Variants in PMFBP1 observed in about 807,000 individuals in gnomAD.
The protein encoded by PMFBP1 is polyamine modulated factor 1 binding protein 1, also known as polyamine-modulated factor 1-binding protein 1.
PMFBP1 carries 131 observed loss-of-function variants against 137.8 expected under a neutral mutation model. That is an observed-to-expected ratio of 0.95 (90% CI 0.82 to 1.10). The LOEUF is 1.10. PMFBP1 is among the 50% of genes least tolerant of loss of function. The probability of loss-of-function intolerance (pLI) is 0.00; values close to 1 mark genes in which losing one functional copy is unlikely to be tolerated. For synonymous variants in PMFBP1, 490 were observed against 450.4 expected (o/e 1.09, Z -1.11); for missense variants, 1,199 against 1,175.4 (o/e 1.02, Z -0.29).
At chr16:72,178,267 CT>C (rs1231131900), upstream of PMFBP1, among the ~76,000 whole-genome samples, 2 of 152,140 alleles carry the variant, frequency 1.3e-5, no homozygotes, top group Admixed American at 6.5e-5. Context: ...CATCTTATCC[CT>C]GATGATGTTG....
the PMFBP1 span, among the ~76,000 whole-genome samples, chr16:72,241,422 A>G: frequency 6.6e-6 from 1 of 152,192 alleles, no homozygotes; most frequent in African/African-American, 2.4e-5. Context: ...CTACTATTTA[A>G]TATAATGCCA....
the PMFBP1 span, among the ~76,000 whole-genome samples, chr16:72,189,401 A>T: frequency 6.6e-6 from 1 of 152,240 alleles, no homozygotes; most frequent in South Asian, 2.1e-4. Flanking sequence ...CGTGTGGCCC[A>T]CAAGGAGAGA....
At chr16:72,242,919 G>A in the PMFBP1 span, among the ~76,000 whole-genome samples, 4 of 152,186 alleles carry the variant, frequency 2.6e-5, no homozygotes, top group South Asian at 4.1e-4. Flanking sequence ...GGAGAGCGAC[G>A]AAGGCGTTCA....
At chr16:72,227,573 A>G in the PMFBP1 span, among the ~76,000 whole-genome samples, 4 of 152,296 alleles carry the variant, frequency 2.6e-5, no homozygotes, top group South Asian at 2.1e-4. Flanking sequence ...ATATTTCCCC[A>G]TATTATTAAA....
intron 4 of PMFBP1, among the ~76,000 whole-genome samples, chr16:72,152,104 G>A (rs1409723237): frequency 6.6e-6 from 1 of 152,194 alleles, no homozygotes; most frequent in Non-Finnish European, 1.5e-5. Context: ...TCATGTGCAT[G>A]CAGGAATCAC....
intron 4 of PMFBP1, 40 bp downstream of exon 4, chr16:72,154,171 C>G: frequency 6.2e-7 from 1 of 1,602,122 alleles, no homozygotes; most frequent in Non-Finnish European, 8.5e-7. Flanking sequence ...CTGCAGGTAC[C>G]TAAGAATGTG....
At chr16:72,155,005 C>A (rs372701755) in intron 3 of PMFBP1, among the ~76,000 whole-genome samples, 2 of 152,088 alleles carry the variant, frequency 1.3e-5, no homozygotes, top group Non-Finnish European at 2.9e-5. Context: ...TGTGACCTTG[C>A]GGATGCTGAC....
the PMFBP1 span, among the ~76,000 whole-genome samples, chr16:72,201,743 A>G: frequency 6.6e-6 from 1 of 152,206 alleles, no homozygotes; most frequent in South Asian, 2.1e-4. Context: ...ATTACCCACT[A>G]TACGGTTAAA....
intron 7 of PMFBP1, among the ~76,000 whole-genome samples, chr16:72,137,958 G>A (rs907827345): frequency 1.1e-4 from 17 of 152,250 alleles, no homozygotes; most frequent in African/African-American, 3.6e-4. Flanking sequence ...CACACTTGCC[G>A]AGGGGAGGAG....
At chr16:72,125,535 A>C in intron 15 of PMFBP1, 130 bp from the exon 16 acceptor site, 1 of 1,036,788 alleles carries the variant, frequency 9.6e-7, no homozygotes. Context: ...CACCTTGCCT[A>C]GTCTCCCAGA....
the PMFBP1 span, among the ~76,000 whole-genome samples, chr16:72,236,523 T>A: frequency 7.2e-5 from 11 of 152,136 alleles, no homozygotes; most frequent in South Asian, 4.1e-4. Context: ...TCATTTTTTT[T>A]AAAAGCCCCA....
chr16:72,221,528 AC>A, the PMFBP1 span, among the ~76,000 whole-genome samples: 1 of 152,208 alleles, frequency 6.6e-6, no homozygotes, highest in Non-Finnish European at 1.5e-5. Flanking sequence ...CAAAATGGAA[AC>A]CAGGAAAACA....
the PMFBP1 span, among the ~76,000 whole-genome samples, chr16:72,198,854 G>A: frequency 4.8e-5 from 7 of 146,160 alleles, no homozygotes; most frequent in Non-Finnish European, 1.0e-4. Context: ...ACTACCAGGA[G>A]GTACGGCCGC....
At chr16:72,143,167 T>A (rs982954174) in intron 5 of PMFBP1, among the ~76,000 whole-genome samples, 1 of 152,204 alleles carries the variant, frequency 6.6e-6, no homozygotes, top group Non-Finnish European at 1.5e-5. Flanking sequence ...TAGACAGTCA[T>A]ACTTACAATT....
At position 72,124,796 on chromosome 16, in the gene PMFBP1, T is replaced by C; in HGVS notation, c.2560A>G (p.Lys854Glu). The change falls in exon 17 of 21, where the codon AAA becomes GAA. Residue 854 changes from lysine to glutamate, a missense_variant. Transcript: ENST00000237353. ...REFQEEMAAL[K>E]ENLLEDDKEP... ...TTATCGTCCTCAAGGAGGTTCTCTT[T>C]TAAGGCGGCCATCTCCTCCTGGAAC... The C allele has an allele frequency of 6.2e-7, 1 of 1,614,090 alleles. No individual in the cohort carries two copies. The highest frequency in any genetic ancestry group is 8.5e-7 in the Non-Finnish European group (1 of 1,179,978).
chr16:72,138,010 T>A (rs2042659096), intron 7 of PMFBP1, among the ~76,000 whole-genome samples: 1 of 151,970 alleles, frequency 6.6e-6, no homozygotes, highest in African/African-American at 2.4e-5. Context: ...TCATTCCTAA[T>A]GGAGCCCCAG....
the PMFBP1 span, among the ~76,000 whole-genome samples, chr16:72,249,872 G>A: frequency 8.4e-6 from 1 of 118,444 alleles, no homozygotes; most frequent in Admixed American, 1.2e-4. Context: ...ACTGAGCCAA[G>A]ATCACACCAC....
chr16:72,188,338 G>A, the PMFBP1 span, among the ~76,000 whole-genome samples: 26 of 152,164 alleles, frequency 1.7e-4, no homozygotes, highest in Non-Finnish European at 3.1e-4. Flanking sequence ...TATTCTAATC[G>A]TAGACAGCAC....
the PMFBP1 span, among the ~76,000 whole-genome samples, chr16:72,245,142 G>GA: frequency 6.6e-6 from 1 of 152,116 alleles, no homozygotes; most frequent in African/African-American, 2.4e-5. Context: ...CACTGGGGGG[G>GA]ATCTCAGGGA....
Sources: gnomAD v4.1 joint callset for allele counts (sites outside exome capture counted in the v4.1 genomes callset) on GRCh38, gnomAD v4.1.1 for gene constraint, MANE v1.5 for transcripts, NCBI Gene and HGNC (gene_info 2026-07-23, HGNC 2026-07-21) for gene names.